The following FREM3 variants were observed in gnomAD, a reference collection of about 807,000 sequenced individuals.
FREM3 encodes the protein FRAS1-related extracellular matrix protein 3.
In FREM3, 105 loss-of-function variants were observed where a neutral mutation model predicts 129.1. That is an observed-to-expected ratio of 0.81 (90% CI 0.69 to 0.96). The LOEUF (loss-of-function observed/expected upper bound fraction) is 0.96. Among genes scored for constraint, FREM3 ranks in the 40% least tolerant of loss-of-function variants. The pLI, the probability that FREM3 is intolerant of heterozygous loss-of-function variation, is 0.00. For missense variants in FREM3, 2,593 were observed against 2,666.3 expected (o/e 0.97, Z 0.61); for synonymous variants, 1,014 against 1,044.9 (o/e 0.97, Z 0.57).
chr4:143,650,330 C>T (rs928469834), intron 2 of FREM3, among the ~76,000 whole-genome samples: 2 of 152,136 alleles, frequency 1.3e-5, no homozygotes, highest in Admixed American at 6.6e-5. Flanking sequence ...TATTAAAAGC[C>T]GGATGCTATA....
chr4:143,593,538 T>C (rs530672848), intron 6 of FREM3, among the ~76,000 whole-genome samples: 7 of 152,322 alleles, frequency 4.6e-5, no homozygotes, highest in African/African-American at 1.4e-4. Context: ...CAGCGGTGGC[T>C]GAAGAACAGC....
At chr4:143,662,203 C>G (rs1450635512) in intron 2 of FREM3, among the ~76,000 whole-genome samples, 1 of 152,166 alleles carries the variant, frequency 6.6e-6, no homozygotes, top group Non-Finnish European at 1.5e-5. Context: ...TTGGATCTTT[C>G]CTGCTTTCTC....
At chr4:143,683,254 T>A (rs1214410794) in intron 2 of FREM3, among the ~76,000 whole-genome samples, 1 of 152,150 alleles carries the variant, frequency 6.6e-6, no homozygotes, top group African/African-American at 2.4e-5. Flanking sequence ...CCAGATCTAC[T>A]GCAAGAACAA....
intron 6 of FREM3, among the ~76,000 whole-genome samples, chr4:143,603,490 T>C (rs975862095): frequency 1.3e-5 from 2 of 152,202 alleles, no homozygotes; most frequent in Non-Finnish European, 2.9e-5. Flanking sequence ...AAATGCCAAA[T>C]GCGGTCTGCT....
At chr4:143,684,296 T>A (rs1740314951) in intron 2 of FREM3, among the ~76,000 whole-genome samples, 1 of 152,112 alleles carries the variant, frequency 6.6e-6, no homozygotes, top group African/African-American at 2.4e-5. Flanking sequence ...CTGCTATCCA[T>A]GGCTGAGAGA....
intron 2 of FREM3, among the ~76,000 whole-genome samples, chr4:143,675,039 C>A (rs541054321): frequency 6.6e-6 from 1 of 152,270 alleles, no homozygotes; most frequent in East Asian, 1.9e-4. Flanking sequence ...ACCAAGTGGA[C>A]CTAATAGACA....
intron 2 of FREM3, among the ~76,000 whole-genome samples, chr4:143,648,806 A>C (rs1739463232): frequency 6.6e-6 from 1 of 152,204 alleles, no homozygotes; most frequent in Non-Finnish European, 1.5e-5. Context: ...TCTCTCGCGC[A>C]GGCTGGAGTG....
chr4:143,681,669 A>G (rs891698002), intron 2 of FREM3, among the ~76,000 whole-genome samples: 3 of 152,190 alleles, frequency 2.0e-5, no homozygotes, highest in Non-Finnish European at 4.4e-5. Context: ...ATTTCCATTT[A>G]AATTGCCAGT....
chr4:143,631,445 G>C (rs1316542141), intron 2 of FREM3, among the ~76,000 whole-genome samples: 4 of 152,274 alleles, frequency 2.6e-5, no homozygotes, highest in African/African-American at 9.6e-5. Flanking sequence ...CCAGGTTCAA[G>C]TGATTCTCCT....
At chr4:143,682,315 AT>A (rs1740267577) in intron 2 of FREM3, among the ~76,000 whole-genome samples, 1 of 152,140 alleles carries the variant, frequency 6.6e-6, no homozygotes, top group Non-Finnish European at 1.5e-5. Context: ...CAGACAGGAG[AT>A]TGGCTGTCCG....
intron 4 of FREM3, among the ~76,000 whole-genome samples, chr4:143,623,500 C>A (rs1388625221): frequency 9.6e-5 from 13 of 135,130 alleles, no homozygotes; most frequent in Admixed American, 7.3e-4. Flanking sequence ...TAATCCCCCC[C>A]CCCCCCCACC....
At chr4:143,629,288 A>G (rs1183639913) in intron 2 of FREM3, among the ~76,000 whole-genome samples, 2 of 152,168 alleles carry the variant, frequency 1.3e-5, no homozygotes, top group Admixed American at 1.3e-4. Context: ...ATGAGCATGG[A>G]AAGAGGGAAG....
At chr4:143,666,369 A>C (rs888914494) in intron 2 of FREM3, among the ~76,000 whole-genome samples, 1 of 152,152 alleles carries the variant, frequency 6.6e-6, no homozygotes, top group East Asian at 1.9e-4. Context: ...TGAGATACAG[A>C]AATTCTACAC....
intron 6 of FREM3, among the ~76,000 whole-genome samples, chr4:143,609,217 C>T (rs1010737348): frequency 2.6e-5 from 4 of 152,108 alleles, no homozygotes; most frequent in African/African-American, 9.7e-5. Context: ...TGTTGTTCCA[C>T]TTTTGATTCT....
At chr4:143,590,127 G>C (rs1371965280) in intron 6 of FREM3, among the ~76,000 whole-genome samples, 32 of 152,188 alleles carry the variant, frequency 2.1e-4, no homozygotes, top group African/African-American at 7.2e-4. Context: ...TCAGCTTAAG[G>C]AGATTTTGGG....
At position 143,696,832 on chromosome 4, in the gene FREM3, C is replaced by A; in HGVS notation, c.3844G>T (p.Val1282Phe). The A allele has an allele frequency of 2.0e-6, 3 of 1,537,744 alleles. No individual in the cohort carries two copies. The highest frequency in any genetic ancestry group is 2.6e-6 in the Non-Finnish European group (3 of 1,147,024). Residue 1282 changes from valine to phenylalanine, a missense_variant, in exon 1 of 8, where the codon GTC (valine) becomes TTC (phenylalanine). This residue lies in a region of FREM3 where 2,276 missense variants were observed against 2,267.2 expected (regional missense o/e 1.00). Coordinates refer to ENST00000329798, the MANE Select transcript of FREM3 (RefSeq NM_001168235.2). ...GTGTGCTTGCCGTCACTCAGCCAGA[C>A]CTCAAAACTGTCCTCTTTTGTCTCT... ...DSETKEDSFEVWLSDGKHTTH... is the reference protein window; with the variant it reads ...DSETKEDSFEFWLSDGKHTTH...
intron 2 of FREM3, among the ~76,000 whole-genome samples, chr4:143,684,953 A>G (rs556590520): frequency 6.6e-6 from 1 of 152,292 alleles, no homozygotes; most frequent in African/African-American, 2.4e-5. Flanking sequence ...AATCCAAGAA[A>G]GAAAAAAGAA....
In FREM3 at chr4:143,698,560, A is replaced by G. The variant is rs1374789834; in HGVS notation, c.2116T>C (p.Tyr706His). Residue 706 changes from tyrosine (Y) to histidine (H), a missense_variant, in exon 1 of 8, where the codon TAT becomes CAT. Physicochemically the swap from Tyr to His is moderately conservative, Grantham distance 83 (BLOSUM62 2). This residue lies in a region of FREM3 where 2,276 missense variants were observed against 2,267.2 expected (regional missense o/e 1.00). Transcript: ENST00000329798. ...GTCATTTCTAGTGTAGTTCCTGGAT[A>G]CAGCTGTGGACTCAGTATATCCACT... The part of the protein sequence containing the change: ...QPVDILSPQL[Y>H]PGTTLEMTVQ... 2 of 1,537,674 alleles carry G rather than the reference A, an allele frequency of 1.3e-6. No individual in the cohort carries two copies. Among genetic ancestry groups the G allele is most frequent in the Non-Finnish European group, 1.7e-6 (2 of 1,147,000 alleles).
chr4:143,585,884 G>A lies in FREM3; in HGVS notation c.6138C>T (p.Ile2046=), dbSNP rs757757997. The A allele has an allele frequency of 4.0e-5, 62 of 1,537,284 alleles. No individual in the cohort carries two copies. In the East Asian group the frequency reaches 9.3e-4, roughly 23 times the overall value. ...RGTDLSQPSS[I]AVRSRKSEQE... is the part of the protein sequence containing the mutation. ...GCTCTGACTTTCTGGAGCGCACGGCGATGGATGATGGTTGGGAAAGATCAG... is the reference window on the plus strand; with the variant it reads ...GCTCTGACTTTCTGGAGCGCACGGCAATGGATGATGGTTGGGAAAGATCAG... The change falls in exon 7 of 8, where the codon ATC becomes ATT. Residue 2046 remains isoleucine (I), a synonymous_variant. Transcript: ENST00000329798. This position sits in a 1 kb window ranked among gnomAD's most constrained non-coding sequence, Gnocchi z 4.2.
Sources: allele counts gnomAD v4.1 joint callset (sites outside exome capture counted in the v4.1 genomes callset), GRCh38; gene constraint gnomAD v4.1.1; regional missense constraint gnomAD v4.1.1; non-coding constraint Gnocchi (gnomAD v3.1); transcripts MANE v1.5; gene names NCBI Gene and HGNC (gene_info 2026-07-23, HGNC 2026-07-21).